BNC2: variants seen among roughly 807,000 people sequenced by gnomAD.
The protein encoded by BNC2 is basonuclin zinc finger protein 2.
In BNC2, 20 loss-of-function variants were observed where a neutral mutation model predicts 76.3. The ratio of observed to expected loss-of-function variants is 0.26; its 90% CI spans 0.18 to 0.38. The LOEUF (loss-of-function observed/expected upper bound fraction) is 0.38, where lower values mean the gene tolerates loss of function less well. Ranked by LOEUF, BNC2 falls within the 10% of genes least tolerant of loss-of-function variation. The probability of loss-of-function intolerance (pLI) is 1.00; values close to 1 mark genes in which losing one functional copy is unlikely to be tolerated. For synonymous variants in BNC2, 582 were observed against 514.8 expected (o/e 1.13, Z -1.77); for missense variants, 1,382 against 1,399.8 (o/e 0.99, Z 0.20).
At position 16,583,277 on chromosome 9, in the gene BNC2, T is replaced by TCA. The variant is rs141999744; in HGVS notation, c.331-194_331-193dup. On this transcript the variant is annotated intron_variant, in intron 3 of 6. Transcript: ENST00000380672. ...AAAGGTAAAGAAAACAAAAGCTCAT[T>TCA]CACTAATACAATGTTTTAGGTCATT... 8.5e-3 allele frequency among the ~76,000 whole-genome samples: 1,291 copies of TCA among 152,236 alleles called. 17 individuals carry two copies. The highest frequency in any genetic ancestry group is 0.029 in the African/African-American group (1,188 of 41,536).
chr9:16,844,586 C>T (rs543514543), intron 1 of BNC2, among the ~76,000 whole-genome samples: 12 of 149,224 alleles, frequency 8.0e-5, no homozygotes, highest in African/African-American at 2.7e-4. Context: ...CAACCTCCGC[C>T]TACCAGGTTC....
chr9:16,832,347 C>A, intron 1 of BNC2: 1 of 1,255,390 alleles, frequency 8.0e-7, no homozygotes. Context: ...GAAAACCAGG[C>A]AATCTGTGAA....
At chr9:16,732,162 A>AAAAAAAAAAAAAGAAAAAG (rs59888253) in intron 2 of BNC2, among the ~76,000 whole-genome samples, 4 of 123,588 alleles carry the variant, frequency 3.2e-5, no homozygotes, top group African/African-American at 1.2e-4. Context: ...TCCTGCAAAA[A>AAAAAAAAAAAAAGAAAAAG]AAAAAGAAAA....
chr9:16,693,018 T>TA (rs34792579), intron 3 of BNC2, among the ~76,000 whole-genome samples: 95,185 of 150,066 alleles, frequency 0.63, 33,998 homozygotes, highest in Non-Finnish European at 0.83. Context: ...TAATCCCAGC[T>TA]ACTTGGGAGG....
At chr9:16,443,256 T>G (rs1821166684) in intron 5 of BNC2, among the ~76,000 whole-genome samples, 1 of 152,174 alleles carries the variant, frequency 6.6e-6, no homozygotes, top group Non-Finnish European at 1.5e-5. Flanking sequence ...CTGTAGGGAC[T>G]GCTGACTACC....
intron 5 of BNC2, among the ~76,000 whole-genome samples, chr9:16,476,923 G>A (rs1303405919): frequency 1.3e-5 from 2 of 152,142 alleles, no homozygotes; most frequent in Admixed American, 6.5e-5. Context: ...GTCTGTGGTA[G>A]GGAAAGAACA....
At chr9:16,638,390 G>C (rs1398712425) in intron 3 of BNC2, among the ~76,000 whole-genome samples, 1 of 152,020 alleles carries the variant, frequency 6.6e-6, no homozygotes, top group South Asian at 2.1e-4. Flanking sequence ...CTGATTACTG[G>C]ATAAAACAGA....
chr9:16,629,639 C>T (rs778122631), intron 3 of BNC2, among the ~76,000 whole-genome samples: 10 of 152,190 alleles, frequency 6.6e-5, no homozygotes, highest in Non-Finnish European at 1.5e-4. Flanking sequence ...CCACTCCAAA[C>T]CACCACATAA....
chr9:16,452,054 T>C (rs567142668), intron 5 of BNC2, among the ~76,000 whole-genome samples: 1 of 152,302 alleles, frequency 6.6e-6, no homozygotes, highest in Non-Finnish European at 1.5e-5. Context: ...GTGCTTTTCC[T>C]AAAAATGTAA....
intron 3 of BNC2, among the ~76,000 whole-genome samples, chr9:16,589,565 G>C (rs1051186624): frequency 3.9e-5 from 6 of 151,928 alleles, no homozygotes; most frequent in Non-Finnish European, 7.4e-5. Context: ...CTGGAGTACG[G>C]TGGTGCAATC....
At chr9:16,738,090 A>T (rs1024022441) in intron 2 of BNC2, among the ~76,000 whole-genome samples, 9 of 152,114 alleles carry the variant, frequency 5.9e-5, no homozygotes, top group African/African-American at 1.4e-4. Context: ...AAAGAGAAGT[A>T]AGTGCAGGGA....
At chr9:16,836,496 G>T (rs1233958667) in intron 1 of BNC2, among the ~76,000 whole-genome samples, 1 of 150,006 alleles carries the variant, frequency 6.7e-6, no homozygotes, top group Admixed American at 6.7e-5. Context: ...TAAAACTTTG[G>T]CCCAGCTCTT....
rs1820483917 is a variant in BNC2 at position 16,412,515 on chromosome 9, C to T, written c.*6474G>A. ...ATTACTCTCAAGATGGAATTGTTAACACTTAAGTTTTCAAAGAAGCAAAGG... is the reference window on the plus strand; with the variant it reads ...ATTACTCTCAAGATGGAATTGTTAATACTTAAGTTTTCAAAGAAGCAAAGG... On this transcript the variant is annotated 3_prime_UTR_variant, in exon 7 of 7. Transcript: ENST00000380672. 6.6e-6 allele frequency: 1 copy of T among 152,556 alleles called. No individual in the cohort carries two copies. The highest frequency in any genetic ancestry group is 2.4e-5 in the African/African-American group (1 of 41,434). 9.5% of individuals were successfully genotyped at this position (152,556 alleles called of 1,614,324 possible). A position where few individuals can be genotyped will look rare whatever the true frequency, so the allele number is the denominator to read the frequency against.
chr9:16,736,479 CT>C (rs1161339565), intron 2 of BNC2, among the ~76,000 whole-genome samples: 153 of 141,214 alleles, frequency 1.1e-3, no homozygotes, highest in East Asian at 1.9e-3. Flanking sequence ...ATGATTATTT[CT>C]TTTTTTTTTT....
rs140152285 is a variant in BNC2 at position 16,422,497 on chromosome 9, T to C, written c.2640-2848A>G. On this transcript the variant is annotated intron_variant, in intron 6 of 6. Transcript: ENST00000380672. ...GTTCATTCATGGTAGTCGATTTCCA[T>C]TATGCAACCACAGTTCAAGAGAATT... Among the ~76,000 whole-genome samples, 668 of 152,330 alleles carry C rather than the reference T, an allele frequency of 4.4e-3. 2 individuals are homozygous for C. The highest frequency in any genetic ancestry group is 0.02 in the Middle Eastern group (6 of 294).
chr9:16,664,425 A>G (rs1417152551), intron 3 of BNC2, among the ~76,000 whole-genome samples: 2 of 152,092 alleles, frequency 1.3e-5, no homozygotes, highest in East Asian at 1.9e-4. Flanking sequence ...TTCCACTACA[A>G]TTGCATCCAA....
At chr9:16,490,464 C>G (rs1398761580) in intron 5 of BNC2, among the ~76,000 whole-genome samples, 1 of 152,146 alleles carries the variant, frequency 6.6e-6, no homozygotes, top group Non-Finnish European at 1.5e-5. Flanking sequence ...TAGGTGGGGA[C>G]ACAGCCAAAC....
intron 1 of BNC2, among the ~76,000 whole-genome samples, chr9:16,815,268 G>A (rs1471180243): frequency 6.6e-6 from 1 of 152,134 alleles, no homozygotes; most frequent in Non-Finnish European, 1.5e-5. Context: ...ATCAGATATG[G>A]TAAGCTGTCT....
chr9:16,780,964 C>T (rs1826136189), intron 1 of BNC2, among the ~76,000 whole-genome samples: 1 of 151,914 alleles, frequency 6.6e-6, no homozygotes, highest in East Asian at 1.9e-4. Flanking sequence ...AGTACTTAAT[C>T]ATGCACTTAA....
Sources: gnomAD v4.1 joint callset for allele counts (sites outside exome capture counted in the v4.1 genomes callset) on GRCh38, gnomAD v4.1.1 for gene constraint, MANE v1.5 for transcripts, NCBI Gene and HGNC (gene_info 2026-07-23, HGNC 2026-07-21) for gene names.